The following TMPRSS4 variants were observed in gnomAD, a reference collection of about 807,000 sequenced individuals.
TMPRSS4 encodes transmembrane serine protease 4.
Under a neutral mutation model 56.4 loss-of-function variants are expected in TMPRSS4, and 45 were observed. That is an observed-to-expected ratio of 0.80 (90% CI 0.63 to 1.02). The LOEUF is 1.02. TMPRSS4 is among the 50% of genes least tolerant of loss of function. The pLI, the probability that TMPRSS4 is intolerant of heterozygous loss-of-function variation, is 0.00. For synonymous variants in TMPRSS4, 205 were observed against 211.0 expected (o/e 0.97, Z 0.25); for missense variants, 546 against 556.7 (o/e 0.98, Z 0.19).
At chr11:118,095,139 C>G (rs895188763) in intron 2 of TMPRSS4, 2 of 438,112 alleles carry the variant, frequency 4.6e-6, no homozygotes, top group Admixed American at 3.5e-5. Flanking sequence ...TTCAGTAAAA[C>G]TGTACGTACC....
At chr11:118,105,698 G>A (rs1018543400) in intron 5 of TMPRSS4, 1 of 152,180 alleles carries the variant, frequency 6.6e-6, no homozygotes. Context: ...ACATTCAGTT[G>A]CAGATTGAGA....
chr11:118,103,293 CAGG>C (rs1452207218), intron 4 of TMPRSS4, 40 bp downstream of exon 4: 1 of 1,598,390 alleles, frequency 6.3e-7, no homozygotes, highest in Admixed American at 1.7e-5. Flanking sequence ...GTGGGCCCAG[CAGG>C]AGGTCTGCTC....
downstream of TMPRSS4, among the ~76,000 whole-genome samples, chr11:118,123,687 T>C (rs1947838911): frequency 6.6e-6 from 1 of 152,144 alleles, no homozygotes; most frequent in African/African-American, 2.4e-5. Context: ...TACGCCTGGC[T>C]AATTTTTTGT....
intron 2 of TMPRSS4, among the ~76,000 whole-genome samples, chr11:118,097,513 G>C (rs1196894502): frequency 1.3e-5 from 2 of 152,062 alleles, no homozygotes. Flanking sequence ...TCTCCCCCAG[G>C]GCAGAAGTCC....
downstream of TMPRSS4, among the ~76,000 whole-genome samples, chr11:118,122,557 A>C (rs1237997649): frequency 6.6e-6 from 1 of 152,250 alleles, no homozygotes; most frequent in Non-Finnish European, 1.5e-5. Flanking sequence ...TCACCACTGG[A>C]GTTGGCAATC....
chr11:118,099,000 G>A lies in TMPRSS4; in HGVS notation c.59G>A (p.Arg20His), dbSNP rs144849681. The A allele has an allele frequency of 3.3e-5, 53 of 1,613,304 alleles. No homozygotes were observed. Among genetic ancestry groups the A allele is most frequent in the African/African-American group, 1.5e-4 (11 of 74,912 alleles). Residue 20 changes from arginine to histidine, a missense_variant, in exon 3 of 13, where the codon CGC becomes CAC. Transcript: ENST00000437212. ...PLNSLDVKPL[R>H]KPRIPMETFR... is the part of the protein sequence containing the mutation. ...TTTCTTGCAGATGTCAAACCCCTGC[G>A]CAAACCCCGTATCCCCATGGAGACC...
intron 1 of TMPRSS4, chr11:118,087,627 C>A (rs886573324): frequency 2.0e-5 from 3 of 152,180 alleles, no homozygotes; most frequent in African/African-American, 7.2e-5. Context: ...TTCTCTGCAG[C>A]CACTTAAGCT....
At chr11:118,102,328 C>A (rs946463766) in intron 3 of TMPRSS4, among the ~76,000 whole-genome samples, 4 of 152,146 alleles carry the variant, frequency 2.6e-5, no homozygotes, top group Admixed American at 2.6e-4. Flanking sequence ...TCTCAACAGC[C>A]CTGCGAGGCA....
intron 2 of TMPRSS4, among the ~76,000 whole-genome samples, chr11:118,096,195 A>G (rs1456650151): frequency 6.6e-6 from 1 of 152,290 alleles, no homozygotes; most frequent in African/African-American, 2.4e-5. Flanking sequence ...CTTTAAAAAC[A>G]GTATTGGCAA....
intron 2 of TMPRSS4, among the ~76,000 whole-genome samples, chr11:118,098,725 G>A (rs1048351861): frequency 5.9e-5 from 9 of 152,200 alleles, no homozygotes; most frequent in East Asian, 1.9e-4. Flanking sequence ...GGCAAGACAC[G>A]GGGGAGGTGG....
chr11:118,090,200 C>T (rs777347434), intron 1 of TMPRSS4, among the ~76,000 whole-genome samples: 1 of 152,198 alleles, frequency 6.6e-6, no homozygotes, highest in Non-Finnish European at 1.5e-5. Flanking sequence ...CCTAATATGT[C>T]ACTGTGTGAA....
At position 118,082,421 on chromosome 11, in the gene TMPRSS4, C is replaced by T. The variant is rs985041201; in HGVS notation, c.3+5116C>T. On this transcript the variant is annotated intron_variant, in intron 1 of 12. Coordinates refer to ENST00000437212, the MANE Select transcript of TMPRSS4 (RefSeq NM_019894.4). ...ACTAAAGATATAAACATTAGCCGAG[C>T]GCAGTAGCTCACGCCTGTAATCCCA... Among the ~76,000 whole-genome samples the T allele has an allele frequency of 2.0e-5, 3 of 152,022 alleles. No individual in the cohort carries two copies. The East Asian group carries it at 5.8e-4, about 29-fold the overall frequency.
intron 11 of TMPRSS4, 39 bp downstream of exon 11, chr11:118,115,319 G>A: frequency 6.2e-7 from 1 of 1,605,770 alleles, no homozygotes; most frequent in African/African-American, 1.3e-5. Flanking sequence ...CTAAGAATAG[G>A]GTTTAGGTCC....
chr11:118,113,044 T>C (rs1009469399), intron 8 of TMPRSS4, among the ~76,000 whole-genome samples: 42 of 152,066 alleles, frequency 2.8e-4, no homozygotes, highest in African/African-American at 9.2e-4. Context: ...TGAGGTTTCG[T>C]TGGGCAGGTT....
intron 1 of TMPRSS4, among the ~76,000 whole-genome samples, chr11:118,094,020 A>G (rs147101108): frequency 9.5e-4 from 144 of 152,322 alleles, no homozygotes; most frequent in Middle Eastern, 3.4e-3. Flanking sequence ...TGAAAATACC[A>G]GTTTATCCAC....
intron 3 of TMPRSS4, among the ~76,000 whole-genome samples, chr11:118,101,720 C>T (rs1946733340): frequency 6.6e-6 from 1 of 152,130 alleles, no homozygotes; most frequent in African/African-American, 2.4e-5. Context: ...CTCAAACAAT[C>T]CTCCTGCCTT....
At chr11:118,123,542 G>A (rs1947835740), downstream of TMPRSS4, among the ~76,000 whole-genome samples, 1 of 151,898 alleles carries the variant, frequency 6.6e-6, no homozygotes, top group South Asian at 2.1e-4. Flanking sequence ...TTTTGAGACG[G>A]AGTCTTGCAC....
intron 11 of TMPRSS4, 48 bp downstream of exon 11, chr11:118,115,328 C>T: frequency 1.3e-6 from 2 of 1,590,294 alleles, no homozygotes; most frequent in Non-Finnish European, 1.7e-6. Context: ...GGGTTTAGGT[C>T]CTAGAGAGAT....
chr11:118,084,942 T>A (rs955922923), intron 1 of TMPRSS4, among the ~76,000 whole-genome samples: 2 of 152,154 alleles, frequency 1.3e-5, no homozygotes, highest in Non-Finnish European at 2.9e-5. Context: ...CCCCTTCTGA[T>A]CAAGGCAGCT....
Sources: gnomAD v4.1 joint callset for allele counts (sites outside exome capture counted in the v4.1 genomes callset) on GRCh38, gnomAD v4.1.1 for gene constraint, MANE v1.5 for transcripts, NCBI Gene and HGNC (gene_info 2026-07-23, HGNC 2026-07-21) for gene names.